The following ZNF407 variants were observed in gnomAD, a reference collection of about 807,000 sequenced individuals.
The protein encoded by ZNF407 is zinc finger protein 407.
ZNF407 carries 17 observed loss-of-function variants against 131.2 expected under a neutral mutation model. That is an observed-to-expected ratio of 0.13 (90% CI 0.09 to 0.19). The LOEUF is 0.19. Ranked by LOEUF, ZNF407 falls within the 10% of genes least tolerant of loss-of-function variation. The probability of loss-of-function intolerance (pLI) is 1.00; values close to 1 mark genes in which losing one functional copy is unlikely to be tolerated. For synonymous variants in ZNF407, 1,156 were observed against 1,062.0 expected, an observed-to-expected ratio of 1.09 and a Z score of -1.72; for missense variants, 2,681 against 2,830.6, an observed-to-expected ratio of 0.95 and a Z score of 1.20.
intron 7 of ZNF407, among the ~76,000 whole-genome samples, chr18:74,901,479 G>A (rs548558375): frequency 1.2e-4 from 19 of 152,162 alleles, no homozygotes; most frequent in African/African-American, 4.3e-4. Flanking sequence ...TTCTAGCATC[G>A]GTGACAATGT....
intron 3 of ZNF407, among the ~76,000 whole-genome samples, chr18:74,688,136 T>A (rs964493059): frequency 1.3e-5 from 2 of 152,328 alleles, no homozygotes; most frequent in African/African-American, 4.8e-5. Context: ...CAGCCTCTAT[T>A]TTCAAGTAAA....
chr18:75,049,882 A>C (rs1338572674), intron 8 of ZNF407, among the ~76,000 whole-genome samples: 1 of 152,212 alleles, frequency 6.6e-6, no homozygotes, highest in Non-Finnish European at 1.5e-5. Context: ...GCAGCTTATC[A>C]TCATATTATT....
intron 4 of ZNF407, among the ~76,000 whole-genome samples, chr18:74,783,747 A>G (rs1245378583): frequency 6.6e-6 from 1 of 152,170 alleles, no homozygotes; most frequent in Non-Finnish European, 1.5e-5. Context: ...GAAAATCGCA[A>G]GTGGGAAAGC....
intron 1 of ZNF407, among the ~76,000 whole-genome samples, chr18:74,628,381 C>T (rs2144654264): frequency 6.6e-6 from 1 of 152,196 alleles, no homozygotes; most frequent in African/African-American, 2.4e-5. Context: ...ACCTCTTACC[C>T]TTTAGCTATC....
At chr18:74,985,626 C>T (rs2122125101) in intron 8 of ZNF407, among the ~76,000 whole-genome samples, 1 of 152,210 alleles carries the variant, frequency 6.6e-6, no homozygotes, top group East Asian at 1.9e-4. Flanking sequence ...TAAATCATTC[C>T]ATTCTGGAGG....
chr18:74,992,372 G>C (rs1972728811), intron 8 of ZNF407, among the ~76,000 whole-genome samples: 1 of 152,160 alleles, frequency 6.6e-6, no homozygotes, highest in South Asian at 2.1e-4. Flanking sequence ...GGAAGGTCTG[G>C]GTAGGCCTTG....
At chr18:74,835,450 T>A (rs77750402) in intron 4 of ZNF407, among the ~76,000 whole-genome samples, 1 of 152,160 alleles carries the variant, frequency 6.6e-6, no homozygotes, top group South Asian at 2.1e-4. Context: ...GGATGTGTAA[T>A]GTGTGGCTGC....
chr18:74,835,213 A>G (rs1018102894), intron 4 of ZNF407, among the ~76,000 whole-genome samples: 1 of 152,186 alleles, frequency 6.6e-6, no homozygotes, highest in African/African-American at 2.4e-5. Context: ...CTCTGCATCA[A>G]GGCGGACATC....
At chr18:74,940,367 C>CTGAAG (rs1972083538) in intron 8 of ZNF407, among the ~76,000 whole-genome samples, 1 of 152,048 alleles carries the variant, frequency 6.6e-6, no homozygotes, top group South Asian at 2.1e-4. Context: ...CAGCTGAGAC[C>CTGAAG]TGAAGGACTT....
At position 74,881,144 on chromosome 18, in the gene ZNF407, C is replaced by T. The variant is rs139712144; in HGVS notation, c.5128+25C>T. The T allele has an allele frequency of 7.6e-3, 11,738 of 1,549,476 alleles. 49 individuals carry two copies. The highest frequency in any genetic ancestry group is 9.0e-3 in the Non-Finnish European group (10,339 of 1,147,734). ...GGTCAGTTCCGATGCTGCACTGGCC[C>T]CTTCTCTGCAGAGAGGACGGCAAGA... On this transcript the variant is annotated intron_variant, in intron 6 of 8. Coordinates refer to ENST00000299687, the MANE Select transcript of ZNF407 (RefSeq NM_017757.3).
At chr18:75,004,023 T>A (rs1249997709) in intron 8 of ZNF407, among the ~76,000 whole-genome samples, 1 of 152,146 alleles carries the variant, frequency 6.6e-6, no homozygotes, top group Non-Finnish European at 1.5e-5. Context: ...TAAAGCAGAT[T>A]TCGCAAGTTT....
At chr18:74,796,601 A>G (rs1034927923) in intron 4 of ZNF407, among the ~76,000 whole-genome samples, 19 of 152,190 alleles carry the variant, frequency 1.2e-4, no homozygotes, top group Admixed American at 6.6e-5. Flanking sequence ...CTAGCATACA[A>G]TGCACTTTTG....
At chr18:75,007,558 T>G (rs1432805955) in intron 8 of ZNF407, among the ~76,000 whole-genome samples, 1 of 152,214 alleles carries the variant, frequency 6.6e-6, no homozygotes, top group Non-Finnish European at 1.5e-5. Context: ...CCACCAACAT[T>G]TTTCTCTCTG....
rs970396946 is a variant in ZNF407 at position 75,048,882 on chromosome 18, G to A, written c.5429-14268G>A. 2.6e-5 allele frequency among the ~76,000 whole-genome samples: 4 copies of A among 152,188 alleles called. No homozygotes were observed. The highest frequency in any genetic ancestry group is 9.7e-5 in the African/African-American group (4 of 41,450). On this transcript the variant is annotated intron_variant, in intron 8 of 8. Transcript: ENST00000299687. This position sits in a 1 kb window ranked among gnomAD's most constrained non-coding sequence, Gnocchi z 4.1. ...GGGGTGAGCAGGCAGTGTTCAGGCT[G>A]TAGGGCCACCAAGCCAGAGTCAGCC...
intron 7 of ZNF407, among the ~76,000 whole-genome samples, chr18:74,917,975 T>C (rs1177509021): frequency 6.6e-6 from 1 of 152,212 alleles, no homozygotes; most frequent in East Asian, 1.9e-4. Context: ...TGTAATGCTG[T>C]AGAAAACATG....
At chr18:75,026,294 A>G (rs1185573959) in intron 8 of ZNF407, among the ~76,000 whole-genome samples, 1 of 152,234 alleles carries the variant, frequency 6.6e-6, no homozygotes, top group African/African-American at 2.4e-5. Context: ...ATAATAAACT[A>G]TTGAAAACTT....
intron 8 of ZNF407, among the ~76,000 whole-genome samples, chr18:75,016,863 A>C (rs1973050459): frequency 6.6e-6 from 1 of 152,178 alleles, no homozygotes. Context: ...AAGCTAGAGA[A>C]GGAGTCCCAG....
At position 74,607,970 on chromosome 18, in the gene ZNF407, C is replaced by T. The variant is rs144796160; in HGVS notation, c.-54+10033C>T. On this transcript the variant is annotated intron_variant, in intron 1 of 8. Transcript: ENST00000299687. ...TTAATCCTTATTTGTAGTTATTGAA[C>T]ATTTTTAGCACAGAAGTTAGAGATA... is the stretch of plus-strand genomic sequence containing the variant. Among the ~76,000 whole-genome samples, 800 of 152,254 alleles carry T rather than the reference C, an allele frequency of 5.3e-3. 1 individual carries two copies. Among genetic ancestry groups the T allele is most frequent in the Non-Finnish European group, 8.8e-3 (597 of 68,014 alleles).
At chr18:74,996,215 C>T (rs756630541) in intron 8 of ZNF407, among the ~76,000 whole-genome samples, 4 of 151,826 alleles carry the variant, frequency 2.6e-5, no homozygotes, top group Admixed American at 6.6e-5. Flanking sequence ...ATGAGGCAGG[C>T]GCCAACAAGC....
Sources: gnomAD v4.1 joint callset for allele counts (sites outside exome capture counted in the v4.1 genomes callset) on GRCh38, gnomAD v4.1.1 for gene constraint, Gnocchi (gnomAD v3.1) non-coding constraint, MANE v1.5 for transcripts, NCBI Gene and HGNC (gene_info 2026-07-23, HGNC 2026-07-21) for gene names.